The following RSU1 variants were observed in gnomAD, a reference collection of about 807,000 sequenced individuals.
RSU1 encodes the protein rsu-1.
Under a neutral mutation model 31.1 loss-of-function variants are expected in RSU1, and 26 were observed. The ratio of observed to expected loss-of-function variants is 0.84; its 90% CI spans 0.61 to 1.16. RSU1 has a LOEUF of 1.16. RSU1 is among the 50% of genes most tolerant of loss of function. The pLI is 0.00. For missense variants in RSU1, 320 were observed against 339.1 expected, an observed-to-expected ratio of 0.94 and a Z score of 0.44; for synonymous variants, 164 against 136.3, an observed-to-expected ratio of 1.20 and a Z score of -1.41.
At chr10:16,805,042 T>TA (rs1374490034) in intron 2 of RSU1, among the ~76,000 whole-genome samples, 5 of 151,186 alleles carry the variant, frequency 3.3e-5, no homozygotes, top group Middle Eastern at 3.2e-3. Context: ...TACTAAAAAT[T>TA]AAAAAAAAAT....
chr10:16,761,200 C>A (rs1837205848), intron 4 of RSU1, among the ~76,000 whole-genome samples: 2 of 152,224 alleles, frequency 1.3e-5, no homozygotes, highest in Admixed American at 6.5e-5. Flanking sequence ...GCCTCAGCCT[C>A]TCAAACTTCT....
intron 8 of RSU1, among the ~76,000 whole-genome samples, chr10:16,644,236 T>C (rs1376061584): frequency 6.6e-6 from 1 of 152,204 alleles, no homozygotes; most frequent in Non-Finnish European, 1.5e-5. Flanking sequence ...AACTCACTAC[T>C]ATGCTCCCCA....
intron 4 of RSU1, among the ~76,000 whole-genome samples, chr10:16,762,546 T>C (rs940061261): frequency 1.3e-5 from 2 of 150,078 alleles, no homozygotes; most frequent in Admixed American, 1.3e-4. Context: ...TCTCAAGCGA[T>C]GTTCCTCCCT....
intron 7 of RSU1, among the ~76,000 whole-genome samples, chr10:16,722,084 T>G (rs982973627): frequency 6.6e-6 from 1 of 152,190 alleles, no homozygotes; most frequent in Non-Finnish European, 1.5e-5. Flanking sequence ...TATGAAGAGA[T>G]ATTTTGAGAG....
intron 2 of RSU1, among the ~76,000 whole-genome samples, chr10:16,810,923 G>A (rs1306324291): frequency 6.6e-6 from 1 of 152,096 alleles, no homozygotes. Context: ...TTGGGAGGCT[G>A]AGGTGGGAGG....
chr10:16,806,396 G>A lies in RSU1; in HGVS notation c.109+10577C>T, dbSNP rs572292946. On this transcript the variant is annotated intron_variant, in intron 2 of 8. Transcript: ENST00000345264. ...AGGAGAAGCTGAGAACACTGCTTCC[G>A]ACGTCTGCAGGTGTGGCTTCAAATC... 6.6e-5 allele frequency among the ~76,000 whole-genome samples: 10 copies of A among 152,284 alleles called. No homozygotes were observed. In the South Asian group the frequency reaches 1.9e-3, roughly 29 times the overall value.
intron 8 of RSU1, among the ~76,000 whole-genome samples, chr10:16,627,448 G>C (rs902654371): frequency 5.9e-5 from 9 of 152,166 alleles, no homozygotes; most frequent in African/African-American, 2.2e-4. Flanking sequence ...CTCATAGAGT[G>C]AAGATTAAGA....
chr10:16,729,292 A>C (rs1443378457), intron 7 of RSU1, among the ~76,000 whole-genome samples: 1 of 152,198 alleles, frequency 6.6e-6, no homozygotes, highest in Admixed American at 6.5e-5. Context: ...CAAAAACAAA[A>C]ATACACTTCC....
chr10:16,639,207 C>T (rs1834397779), intron 8 of RSU1, among the ~76,000 whole-genome samples: 2 of 152,144 alleles, frequency 1.3e-5, no homozygotes, highest in South Asian at 4.1e-4. Flanking sequence ...GAAGTGTGAT[C>T]AAAATCACAC....
At chr10:16,801,029 C>A (rs1838144669) in intron 2 of RSU1, among the ~76,000 whole-genome samples, 1 of 148,252 alleles carries the variant, frequency 6.7e-6, no homozygotes, top group Non-Finnish European at 1.5e-5. Context: ...TAAGTAATAT[C>A]AATTATCACA....
At chr10:16,802,350 A>G (rs1443694106) in intron 2 of RSU1, among the ~76,000 whole-genome samples, 1 of 152,148 alleles carries the variant, frequency 6.6e-6, no homozygotes. Flanking sequence ...TGCTGGAAAG[A>G]CATAATCTAC....
chr10:16,770,339 C>T (rs561789896), intron 3 of RSU1, among the ~76,000 whole-genome samples: 4 of 152,200 alleles, frequency 2.6e-5, no homozygotes, highest in South Asian at 2.1e-4. Context: ...TGGTTACCAC[C>T]GACAGCCAGG....
intron 8 of RSU1, among the ~76,000 whole-genome samples, chr10:16,663,729 C>T (rs533619163): frequency 4.6e-5 from 7 of 152,308 alleles, no homozygotes; most frequent in Admixed American, 3.3e-4. Flanking sequence ...GAGGACTCTG[C>T]TCTGCATACC....
intron 8 of RSU1, among the ~76,000 whole-genome samples, chr10:16,660,674 T>G (rs1184996408): frequency 4.2e-5 from 4 of 95,012 alleles, no homozygotes; most frequent in Non-Finnish European, 7.9e-5. Flanking sequence ...TGAGGAAGGC[T>G]CTCGTTCTGT....
At chr10:16,715,458 T>C (rs1271011178) in intron 7 of RSU1, among the ~76,000 whole-genome samples, 2 of 152,236 alleles carry the variant, frequency 1.3e-5, no homozygotes, top group African/African-American at 2.4e-5. Flanking sequence ...AGGTTTTTTA[T>C]TCATTTTGAG....
chr10:16,600,790 G>A (rs1019586947), intron 8 of RSU1, among the ~76,000 whole-genome samples: 3 of 152,028 alleles, frequency 2.0e-5, no homozygotes, highest in African/African-American at 7.2e-5. Context: ...TCAAACTCTG[G>A]GGTTCAAGCA....
chr10:16,604,489 C>T (rs968413793), intron 8 of RSU1, among the ~76,000 whole-genome samples: 9 of 133,298 alleles, frequency 6.8e-5, no homozygotes, highest in African/African-American at 2.3e-4. Context: ...CCGGCACACG[C>T]GATCCACACC....
chr10:16,707,821 T>C (rs370230376), intron 7 of RSU1, among the ~76,000 whole-genome samples: 26 of 152,206 alleles, frequency 1.7e-4, no homozygotes, highest in African/African-American at 6.0e-4. Context: ...GTTTCCTCTC[T>C]GTTTTCTTCC....
chr10:16,632,767 C>A (rs138794858), intron 8 of RSU1, among the ~76,000 whole-genome samples: 1 of 152,012 alleles, frequency 6.6e-6, no homozygotes, highest in Non-Finnish European at 1.5e-5. Context: ...GGCAAAACCT[C>A]GTCTCTACCA....
Sources: allele counts gnomAD v4.1 joint callset (sites outside exome capture counted in the v4.1 genomes callset), GRCh38; gene constraint gnomAD v4.1.1; transcripts MANE v1.5; gene names NCBI Gene and HGNC (gene_info 2026-07-23, HGNC 2026-07-21).